Variants in MFSD6 observed in about 807,000 individuals in gnomAD.
MFSD6 encodes major facilitator superfamily domain-containing protein 6.
MFSD6 carries 26 observed loss-of-function variants against 56.3 expected under a neutral mutation model. The observed-to-expected ratio is 0.46, with a 90% CI of 0.34 to 0.64. The LOEUF (loss-of-function observed/expected upper bound fraction) is 0.64, where lower values mean the gene tolerates loss of function less well. Among genes scored for constraint, MFSD6 ranks in the 30% least tolerant of loss-of-function variants. MFSD6 has a pLI of 0.01. For synonymous variants in MFSD6, 331 were observed against 366.9 expected, an observed-to-expected ratio of 0.90 and a Z score of 1.12; for missense variants, 750 against 986.2, an observed-to-expected ratio of 0.76 and a Z score of 3.21.
intron 2 of MFSD6, among the ~76,000 whole-genome samples, chr2:190,419,144 T>TG (rs904632111): frequency 3.3e-5 from 5 of 151,950 alleles, no homozygotes; most frequent in African/African-American, 1.2e-4. Context: ...GCAATCCTGA[T>TG]GGAAAAAAAA....
rs370982206 is a variant in MFSD6, at chr2:190,494,769, C to T, written c.1892-2670C>T. 9.2e-5 allele frequency among the ~76,000 whole-genome samples: 14 copies of T among 152,140 alleles called. No individual in the cohort carries two copies. The highest frequency in any genetic ancestry group is 3.3e-4 in the Admixed American group (5 of 15,284). ...AAAATCACATGATCATCTCAGTAGA[C>T]GCAGAAAAAGCATTTGATGAAATCC... On this transcript the variant is annotated intron_variant, in intron 6 of 7. Coordinates refer to ENST00000392328, the MANE Select transcript of MFSD6 (RefSeq NM_017694.4). The surrounding 1 kb of genome is among the most constrained non-coding windows in gnomAD (Gnocchi z 5.7).
Position 190,439,055 on chromosome 2 carries a change from G to C in MFSD6, c.1532+1494G>C, listed in dbSNP as rs1195984052. On this transcript the variant is annotated intron_variant, in intron 3 of 7. Transcript: ENST00000392328. The surrounding 1 kb of genome is among the most constrained non-coding windows in gnomAD (Gnocchi z 5.8). The stretch of plus-strand genomic sequence containing the variant: ...CATTTTGTAAGACCATTCTGAAAGA[G>C]AGCCCACATAATATTAAGGACTCGG... Among the ~76,000 whole-genome samples the C allele has an allele frequency of 1.3e-5, 2 of 152,066 alleles. No homozygotes were observed. Among genetic ancestry groups the C allele is most frequent in the African/African-American group, 4.8e-5 (2 of 41,402 alleles).
In MFSD6 at chr2:190,434,267, T is replaced by C. The variant is rs925468171; in HGVS notation, c.-53-1710T>C. ...ATATACTTCCTACCATCAGAATCTG[T>C]TCATTGGAACAACATAATTCTTGAT... On this transcript the variant is annotated intron_variant, in intron 2 of 7. Transcript: ENST00000392328. This position sits in a 1 kb window ranked among gnomAD's most constrained non-coding sequence, Gnocchi z 4.3. Among the ~76,000 whole-genome samples the C allele has an allele frequency of 3.9e-5, 6 of 152,040 alleles. No individual in the cohort carries two copies. The highest frequency in any genetic ancestry group is 7.4e-5 in the Non-Finnish European group (5 of 68,020).
At position 190,436,940 on chromosome 2, in the gene MFSD6, C is replaced by T. The variant is rs1236919590; in HGVS notation, c.911C>T (p.Ser304Phe). ...VVIIGEFFSASSVTIVDTVTL... is the reference protein window; with the variant it reads ...VVIIGEFFSAFSVTIVDTVTL... ...ATAATAGGAGAATTTTTCAGTGCCT[C>T]TTCTGTCACAATCGTAGACACGGTC... The change falls in exon 3 of 8, where the codon TCT becomes TTT. Residue 304 changes from serine (S) to phenylalanine (F), a missense_variant. Coordinates refer to ENST00000392328, the MANE Select transcript of MFSD6 (RefSeq NM_017694.4). This position sits in a 1 kb window ranked among gnomAD's most constrained non-coding sequence, Gnocchi z 5.3. 4 of 1,614,118 alleles carry T rather than the reference C, an allele frequency of 2.5e-6. No individual in the cohort carries two copies. The highest frequency in any genetic ancestry group is 3.4e-6 in the Non-Finnish European group (4 of 1,180,062).
chr2:190,481,710 T>C (rs1471426028), intron 4 of MFSD6, among the ~76,000 whole-genome samples: 1 of 152,252 alleles, frequency 6.6e-6, no homozygotes, highest in Middle Eastern at 3.2e-3. Flanking sequence ...TAAATACTGT[T>C]GAATGCATGA....
In MFSD6 at chr2:190,428,027, C is replaced by G. The variant is rs149842406; in HGVS notation, c.-53-7950C>G. Among the ~76,000 whole-genome samples, 712 of 152,284 alleles carry G rather than the reference C, an allele frequency of 4.7e-3. 8 individuals carry two copies. Among genetic ancestry groups the G allele is most frequent in the African/African-American group, 0.017 (688 of 41,562 alleles). On this transcript the variant is annotated intron_variant, in intron 2 of 7. Transcript: ENST00000392328. The stretch of plus-strand genomic sequence containing the variant: ...GATTACAGGCGTGAGCCACTGTGCC[C>G]TGCCATGTCTACCACTTTTAATACC...
intron 3 of MFSD6, among the ~76,000 whole-genome samples, chr2:190,450,682 G>A (rs1057464072): frequency 1.3e-5 from 2 of 151,604 alleles, no homozygotes; most frequent in Non-Finnish European, 2.9e-5. Flanking sequence ...TTGTAGAGAC[G>A]AGGTTTTGTC....
In MFSD6 at chr2:190,438,142, G is replaced by T. The variant is rs1686239988; in HGVS notation, c.1532+581G>T. On this transcript the variant is annotated intron_variant, in intron 3 of 7. Transcript: ENST00000392328. This position sits in a 1 kb window ranked among gnomAD's most constrained non-coding sequence, Gnocchi z 5.2. ...TTATTACATGACTCCCTGCATTTCT[G>T]TCCACCATGAAGACATAGGATATTT... Among the ~76,000 whole-genome samples, 3 of 151,512 alleles carry T rather than the reference G, an allele frequency of 2.0e-5. No homozygotes were observed. The South Asian group carries it at 6.3e-4, about 32-fold the overall frequency.
At chr2:190,477,906 G>C (rs1688432386) in intron 4 of MFSD6, among the ~76,000 whole-genome samples, 1 of 152,072 alleles carries the variant, frequency 6.6e-6, no homozygotes, top group African/African-American at 2.4e-5. Flanking sequence ...GGGCGAATAG[G>C]AATCTACCAG....
Position 190,443,448 on chromosome 2 carries a change from A to C in MFSD6, c.1532+5887A>C, listed in dbSNP as rs910405536. Reference sequence around the variant, plus strand: ...ATAGATTAGGAGTTCAGCTTATTTTACTTTTTTTCTGTCAGTCTGATATAT... The same window carrying C: ...ATAGATTAGGAGTTCAGCTTATTTTCCTTTTTTTCTGTCAGTCTGATATAT... On this transcript the variant is annotated intron_variant, in intron 3 of 7. Transcript: ENST00000392328. This position sits in a 1 kb window ranked among gnomAD's most constrained non-coding sequence, Gnocchi z 4.2. Among the ~76,000 whole-genome samples the C allele has an allele frequency of 2.6e-5, 4 of 152,150 alleles. No individual in the cohort carries two copies. Among genetic ancestry groups the C allele is most frequent in the Non-Finnish European group, 5.9e-5 (4 of 68,028 alleles).
chr2:190,414,602 A>C (rs1690700713), intron 1 of MFSD6, among the ~76,000 whole-genome samples: 1 of 152,214 alleles, frequency 6.6e-6, no homozygotes, highest in African/African-American at 2.4e-5. Flanking sequence ...ACTGGGAAGC[A>C]CAAGGCATTA....
Position 190,499,475 on chromosome 2 carries a change from G to A in MFSD6, c.2173-540G>A, listed in dbSNP as rs1689909230. Among the ~76,000 whole-genome samples, 1 of 152,192 alleles carries A rather than the reference G, an allele frequency of 6.6e-6. No homozygotes were observed. The highest frequency in any genetic ancestry group is 1.5e-5 in the Non-Finnish European group (1 of 68,030). On this transcript the variant is annotated intron_variant, in intron 7 of 7. Coordinates refer to ENST00000392328, the MANE Select transcript of MFSD6 (RefSeq NM_017694.4). This position sits in a 1 kb window ranked among gnomAD's most constrained non-coding sequence, Gnocchi z 6.0. The stretch of plus-strand genomic sequence containing the variant: ...TTGTTTACATTCACTTCTTTATGTG[G>A]ATGTTCTGTCTTATCTAACTTTTGG...
Position 190,471,596 on chromosome 2 carries a change from A to G in MFSD6, c.1630+1741A>G, listed in dbSNP as rs942491524. On this transcript the variant is annotated intron_variant, in intron 4 of 7. Coordinates refer to ENST00000392328, the MANE Select transcript of MFSD6 (RefSeq NM_017694.4). The surrounding 1 kb of genome is among the most constrained non-coding windows in gnomAD (Gnocchi z 4.7). ...GTAGGTAAACAAAGCAGCGGCTGGG[A>G]AGCTTGAACTGGGTGGAGCCCACCA... Among the ~76,000 whole-genome samples, 3 of 152,268 alleles carry G rather than the reference A, an allele frequency of 2.0e-5. No individual in the cohort carries two copies. The East Asian group carries it at 5.8e-4, about 29-fold the overall frequency.
chr2:190,448,605 T>C (rs944724370), intron 3 of MFSD6, among the ~76,000 whole-genome samples: 5 of 152,222 alleles, frequency 3.3e-5, no homozygotes, highest in Admixed American at 2.0e-4. Context: ...ATGTTAACGA[T>C]AAATTTTAAA....
In MFSD6 at chr2:190,469,888, C is replaced by CT; in HGVS notation, c.1630+34dup. On this transcript the variant is annotated intron_variant, in intron 4 of 7. Coordinates refer to ENST00000392328, the MANE Select transcript of MFSD6 (RefSeq NM_017694.4). The surrounding 1 kb of genome is among the most constrained non-coding windows in gnomAD (Gnocchi z 5.3). The stretch of plus-strand genomic sequence containing the variant: ...AACAGCTGGGATTGAAATTATTTCT[C>CT]TGCCTTCCCTGAGCTGTGGCTAAAA... The CT allele has an allele frequency of 6.8e-7, 1 of 1,480,900 alleles. No homozygotes were observed. The highest frequency in any genetic ancestry group is 9.4e-7 in the Non-Finnish European group (1 of 1,063,766). The allele number at this position is 1,480,900 out of a possible 1,614,324, so 91.7% of individuals were successfully genotyped here.
In MFSD6 at chr2:190,456,016, C is replaced by T. The variant is rs1476530169; in HGVS notation, c.1533-13742C>T. Among the ~76,000 whole-genome samples, 3 of 141,078 alleles carry T rather than the reference C, an allele frequency of 2.1e-5. No homozygotes were observed. The East Asian group carries it at 6.8e-4, about 32-fold the overall frequency. 92.6% of individuals were successfully genotyped at this position (141,078 alleles called of 152,430 possible). A position where few individuals can be genotyped will look rare whatever the true frequency, so the allele number is the denominator to read the frequency against. On this transcript the variant is annotated intron_variant, in intron 3 of 7. Coordinates refer to ENST00000392328, the MANE Select transcript of MFSD6 (RefSeq NM_017694.4). This position sits in a 1 kb window ranked among gnomAD's most constrained non-coding sequence, Gnocchi z 5.4. ...AGTGCAGCGGCATGATCTCGGCTCACTGCAACCTCTGCCTCCTGGGTTCAA... is the reference window on the plus strand; with the variant it reads ...AGTGCAGCGGCATGATCTCGGCTCATTGCAACCTCTGCCTCCTGGGTTCAA...
chr2:190,432,074 A>T (rs530572812), intron 2 of MFSD6, among the ~76,000 whole-genome samples: 4 of 152,276 alleles, frequency 2.6e-5, no homozygotes, highest in African/African-American at 9.6e-5. Context: ...AATGTCTTAT[A>T]ATCCTTGGTA....
chr2:190,409,664 T>TA (rs1690474101), intron 1 of MFSD6, among the ~76,000 whole-genome samples: 1 of 152,194 alleles, frequency 6.6e-6, no homozygotes, highest in South Asian at 2.1e-4. Context: ...TTGACTAAAA[T>TA]ATGTAATAAA....
At chr2:190,411,603 AAAG>A (rs1254301799) in intron 1 of MFSD6, 1 of 979,092 alleles carries the variant, frequency 1.0e-6, no homozygotes, top group African/African-American at 1.8e-5. Context: ...AAGGAAAACA[AAAG>A]AAGACTAGAA....
Sources: allele counts gnomAD v4.1 joint callset (sites outside exome capture counted in the v4.1 genomes callset), GRCh38; gene constraint gnomAD v4.1.1; non-coding constraint Gnocchi (gnomAD v3.1); transcripts MANE v1.5; gene names NCBI Gene and HGNC (gene_info 2026-07-23, HGNC 2026-07-21).